The following SLC25A41 variants were observed in gnomAD, a reference collection of about 807,000 sequenced individuals.
SLC25A41 encodes the protein solute carrier family 25 member 41.
A neutral mutation model predicts 34.7 loss-of-function variants in SLC25A41; 35 were observed. The observed-to-expected ratio is 1.01, with a 90% CI of 0.77 to 1.34. SLC25A41 has a LOEUF of 1.34. SLC25A41 is among the 40% of genes most tolerant of loss of function. SLC25A41 has a pLI of 0.00. For missense variants in SLC25A41, 492 were observed against 489.8 expected (o/e 1.00, Z -0.04); for synonymous variants, 190 against 209.9 (o/e 0.91, Z 0.82).
intron 4 of SLC25A41, among the ~76,000 whole-genome samples, chr19:6,428,717 A>AT (rs1376612222): frequency 6.2e-5 from 9 of 144,814 alleles, no homozygotes; most frequent in East Asian, 4.0e-4. Flanking sequence ...ATATATATAT[A>AT]TATATTTTTT....
rs115373700 is a variant in SLC25A41 at position 6,426,563 on chromosome 19, T to C, written c.941-2A>G. The C allele has an allele frequency of 8.7e-4, 1,400 of 1,611,904 alleles. 9 individuals carry two copies. In the African/African-American group the frequency reaches 0.016, roughly 19 times the overall value. On this transcript the variant is annotated splice_acceptor_variant, in intron 6 of 6. Transcript: ENST00000321510. LOFTEE classifies it high-confidence loss of function. Reference sequence around the variant, plus strand: ...TGGGATTTGAGCCCTCCACGGTATCTGCAGGGACACAGGCAAGATCAGGAC... The same window carrying C: ...TGGGATTTGAGCCCTCCACGGTATCCGCAGGGACACAGGCAAGATCAGGAC...
Position 6,427,114 on chromosome 19 carries a change from AT to A in SLC25A41, c.928del (p.Met310CysfsTer28), listed in dbSNP as rs1467035020. 2 of 1,603,780 alleles carry A rather than the reference AT, an allele frequency of 1.2e-6. No homozygotes were observed. The highest frequency in any genetic ancestry group is 1.7e-6 in the Non-Finnish European group (2 of 1,175,970). On this transcript the variant is annotated frameshift_variant, in exon 6 of 7. Transcript: ENST00000321510. LOFTEE classifies it low-confidence loss of function (END_TRUNC). This position sits in a 1 kb window ranked among gnomAD's most constrained non-coding sequence, Gnocchi z 4.9. Reference sequence around the variant, plus strand: ...GGGGACAGGCTGACCTTGGGCCTGCATCCTGGTGCGCACCAGAGTCAGTGGG... The same window carrying A: ...GGGGACAGGCTGACCTTGGGCCTGCACCTGGTGCGCACCAGAGTCAGTGGG... ...SYPLTLVRTRMQAQDTVEGSN... is the reference protein window; with the variant it reads ...SYPLTLVRTRXQAQDTVEGSN...
chr19:6,427,634 ATC>A lies in SLC25A41; in HGVS notation c.625-135_625-134del. The A allele has an allele frequency of 1.0e-6, 1 of 1,004,062 alleles. No homozygotes were observed. Among genetic ancestry groups the A allele is most frequent in the Non-Finnish European group, 1.4e-6 (1 of 724,828 alleles). 62.2% of individuals were successfully genotyped at this position (1,004,062 alleles called of 1,614,324 possible). ...GCAAAGAGCTGGGTTTCAGACCCGG[ATC>A]TGTCAGATTCCATGGAATGCTCTCT... On this transcript the variant is annotated intron_variant, in intron 4 of 6. Coordinates refer to ENST00000321510, the MANE Select transcript of SLC25A41 (RefSeq NM_173637.4). The surrounding 1 kb of genome is among the most constrained non-coding windows in gnomAD (Gnocchi z 4.9).
At chr19:6,429,624 A>G in intron 4 of SLC25A41, 100 bp downstream of exon 4, 1 of 777,640 alleles carries the variant, frequency 1.3e-6, no homozygotes, top group Non-Finnish European at 2.0e-6. Context: ...AAAGGAGGAG[A>G]AAGGAGGAGG....
intron 2 of SLC25A41, 58 bp downstream of exon 2, chr19:6,431,991 C>A: frequency 6.4e-7 from 1 of 1,564,182 alleles, no homozygotes; most frequent in Non-Finnish European, 8.7e-7. Context: ...GTCCTCACCC[C>A]ACGTTCTCCC....
chr19:6,427,155 G>A lies in SLC25A41; in HGVS notation c.888C>T (p.Gly296=). The A allele has an allele frequency of 6.2e-7, 1 of 1,610,892 alleles. No homozygotes were observed. The highest frequency in any genetic ancestry group is 8.5e-7 in the Non-Finnish European group (1 of 1,179,054). The stretch of plus-strand genomic sequence containing the variant: ...GAGTCAGTGGGTAGCTGGCCATCTG[G>A]CCACAGGTCGTGGATAGCGTCACAG... The part of the protein sequence containing the change: ...LSSVTLSTTC[G]QMASYPLTLV... Residue 296 remains glycine (G), a synonymous_variant, in exon 6 of 7, where the codon GGC becomes GGT. Coordinates refer to ENST00000321510, the MANE Select transcript of SLC25A41 (RefSeq NM_173637.4). This position sits in a 1 kb window ranked among gnomAD's most constrained non-coding sequence, Gnocchi z 4.9.
Position 6,433,389 on chromosome 19 carries a change from G to A in SLC25A41, c.207+98C>T, listed in dbSNP as rs181158766. 548 of 1,232,172 alleles carry A rather than the reference G, an allele frequency of 4.4e-4. 2 individuals carry two copies. The East Asian group carries it at 5.9e-3, about 13-fold the overall frequency. 76.3% of individuals were successfully genotyped at this position (1,232,172 alleles called of 1,614,324 possible). A position where few individuals can be genotyped will look rare whatever the true frequency, so the allele number is the denominator to read the frequency against. ...TGCTTCAAGGTGGAATTCTAGGTCC[G>A]CTAGCAGGGGAGTGGGCCTGTAGAG... On this transcript the variant is annotated intron_variant, in intron 1 of 6. Transcript: ENST00000321510.
chr19:6,426,126 G>A lies in SLC25A41; in HGVS notation c.*263C>T, dbSNP rs2092238090. 1 of 464,842 alleles carries A rather than the reference G, an allele frequency of 2.2e-6. No individual in the cohort carries two copies. The highest frequency in any genetic ancestry group is 3.3e-5 in the Admixed American group (1 of 30,488). The allele number at this position is 464,842 out of a possible 1,614,324, so 28.8% of individuals were successfully genotyped here. The stretch of plus-strand genomic sequence containing the variant: ...GGACGACCCACAAGGGGCCAGACTG[G>A]AGTCCACGTTTCTTGTCTCAGGCTG... On this transcript the variant is annotated 3_prime_UTR_variant, in exon 7 of 7. Transcript: ENST00000321510.
chr19:6,429,119 T>A (rs1279829137), intron 4 of SLC25A41, among the ~76,000 whole-genome samples: 1 of 54,990 alleles, frequency 1.8e-5, no homozygotes, highest in South Asian at 3.7e-4. Flanking sequence ...AATATATATA[T>A]TATATATATG....
intron 2 of SLC25A41, among the ~76,000 whole-genome samples, chr19:6,431,808 T>C (rs1268855613): frequency 1.3e-5 from 2 of 152,058 alleles, no homozygotes; most frequent in Non-Finnish European, 2.9e-5. Flanking sequence ...ACCCCCACCT[T>C]GGCCCAGCGT....
At chr19:6,431,349 A>G (rs1056230742) in intron 2 of SLC25A41, among the ~76,000 whole-genome samples, 3 of 151,864 alleles carry the variant, frequency 2.0e-5, no homozygotes, top group Non-Finnish European at 4.4e-5. Context: ...CCTGGGCTCA[A>G]GCAATCCTCC....
At chr19:6,432,820 C>T (rs1165624519) in intron 1 of SLC25A41, among the ~76,000 whole-genome samples, 2 of 150,380 alleles carry the variant, frequency 1.3e-5, no homozygotes, top group Non-Finnish European at 3.0e-5. Context: ...ACAGTGCCAA[C>T]GTGCCGAGCA....
At position 6,433,568 on chromosome 19, in the gene SLC25A41, C is replaced by G. The variant is rs150906124; in HGVS notation, c.126G>C (p.Trp42Cys). The G allele has an allele frequency of 3.7e-6, 6 of 1,613,154 alleles. No homozygotes were observed. In the African/African-American group the frequency reaches 6.7e-5, roughly 18 times the overall value. The change falls in exon 1 of 7, where the codon TGG (tryptophan) becomes TGC (cysteine). Residue 42 changes from tryptophan (W) to cysteine (C), a missense_variant. By Grantham distance (215) the Trp-to-Cys change is radical. Coordinates refer to ENST00000321510, the MANE Select transcript of SLC25A41 (RefSeq NM_173637.4). ...PPQPPPPPPS[W>C]NPGCTHVYGY... Reference sequence around the variant, plus strand: ...CATACACGTGTGTACAGCCAGGGTTCCAGGATGGGGGTGGAGGCGGAGGTT... The same window carrying G: ...CATACACGTGTGTACAGCCAGGGTTGCAGGATGGGGGTGGAGGCGGAGGTT...
chr19:6,434,053 C>T (rs1350721232), upstream of SLC25A41, among the ~76,000 whole-genome samples: 4 of 152,202 alleles, frequency 2.6e-5, no homozygotes, highest in African/African-American at 9.7e-5. Flanking sequence ...ACACCATTCT[C>T]CTGCCTCAGC....
In SLC25A41 at chr19:6,426,399, A is replaced by T. The variant is rs2092240549; in HGVS notation, c.1103T>A (p.Leu368Gln). The T allele has an allele frequency of 1.2e-6, 2 of 1,613,610 alleles. No individual in the cohort carries two copies. Among genetic ancestry groups the T allele is most frequent in the Non-Finnish European group, 1.7e-6 (2 of 1,179,644 alleles). Residue 368 changes from leucine (L) to glutamine (Q), a missense_variant, in exon 7 of 7, where the codon CTG becomes CAG. Leu to Gln is a moderately radical substitution (Grantham distance 113, BLOSUM62 -2). Coordinates refer to ENST00000321510, the MANE Select transcript of SLC25A41 (RefSeq NM_173637.4). The stretch of plus-strand genomic sequence containing the variant: ...CGTCCAGCTCACAGCCTATATGCCC[A>T]GGGTTTTCTTCATGGCTTCGTACAC... ...YVVYEAMKKT[L>Q]GI
chr19:6,429,098 C>CATATATATAATATATATG (rs1568349649), intron 4 of SLC25A41, among the ~76,000 whole-genome samples: 255 of 8,386 alleles, frequency 0.03, 60 homozygotes, highest in South Asian at 0.044. Context: ...ATATATGTTA[C>CATATATATAATATATATG]ATATATATAT....
intron 2 of SLC25A41, among the ~76,000 whole-genome samples, chr19:6,431,392 G>A (rs903777807): frequency 5.9e-5 from 9 of 151,620 alleles, no homozygotes; most frequent in African/African-American, 2.2e-4. Flanking sequence ...GAGACTATGG[G>A]TGTGAGATAT....
Position 6,430,107 on chromosome 19 carries a change from C to G in SLC25A41, c.418G>C (p.Val140Leu). The change falls in exon 3 of 7, where the codon GTC becomes CTC. Residue 140 changes from valine (V) to leucine (L), a missense_variant. Val to Leu is a conservative substitution (Grantham distance 32, BLOSUM62 1). Transcript: ENST00000321510. ...AGGGAGCGGAAGCCGCCCTCCTGGACCATGCTCTGTAGCCCCCCCAGCAGG... is the reference window on the plus strand; with the variant it reads ...AGGGAGCGGAAGCCGCCCTCCTGGAGCATGCTCTGTAGCCCCCCCAGCAGG... ...TNLLGGLQSMVQEGGFRSLWR... is the reference protein window; with the variant it reads ...TNLLGGLQSMLQEGGFRSLWR... 1 of 1,613,448 alleles carries G rather than the reference C, an allele frequency of 6.2e-7. No homozygotes were observed. The highest frequency in any genetic ancestry group is 8.5e-7 in the Non-Finnish European group (1 of 1,179,674).
In SLC25A41 at chr19:6,433,535, C is replaced by G. The variant is rs201135545; in HGVS notation, c.159G>C (p.Ala53=). Reference sequence around the variant, plus strand: ...GGTTGTTGTCATGCATGTGGCCAAACGCGTACCCATACACGTGTGTACAGC... The same window carrying G: ...GGTTGTTGTCATGCATGTGGCCAAAGGCGTACCCATACACGTGTGTACAGC... ...NPGCTHVYGY[A]FGHMHDNNLE... is the part of the protein sequence containing the mutation. Residue 53 remains alanine, a synonymous_variant, in exon 1 of 7, where the codon GCG becomes GCC. Coordinates refer to ENST00000321510, the MANE Select transcript of SLC25A41 (RefSeq NM_173637.4). 2 of 1,613,006 alleles carry G rather than the reference C, an allele frequency of 1.2e-6. No homozygotes were observed. The highest frequency in any genetic ancestry group is 4.5e-5 in the East Asian group (2 of 44,844).
Sources: gnomAD v4.1 joint callset for allele counts (sites outside exome capture counted in the v4.1 genomes callset) on GRCh38, gnomAD v4.1.1 for gene constraint, Gnocchi (gnomAD v3.1) non-coding constraint, MANE v1.5 for transcripts, NCBI Gene and HGNC (gene_info 2026-07-23, HGNC 2026-07-21) for gene names.